Variants in ADAMTS2 observed in about 807,000 individuals in gnomAD.
The protein encoded by ADAMTS2 is A disintegrin and metalloproteinase with thrombospondin motifs 2.
Under a neutral mutation model 123.0 loss-of-function variants are expected in ADAMTS2, and 50 were observed. The ratio of observed to expected loss-of-function variants is 0.41; its 90% CI spans 0.32 to 0.51. ADAMTS2 has a LOEUF of 0.51. Ranked by LOEUF, ADAMTS2 falls within the 20% of genes least tolerant of loss-of-function variation. The pLI, the probability that ADAMTS2 is intolerant of heterozygous loss-of-function variation, is 0.35. For missense variants in ADAMTS2, 1,494 were observed against 1,705.2 expected, an observed-to-expected ratio of 0.88 and a Z score of 2.18; for synonymous variants, 678 against 695.4, an observed-to-expected ratio of 0.98 and a Z score of 0.39.
chr5:179,340,876 C>A (rs1470488208), intron 2 of ADAMTS2, among the ~76,000 whole-genome samples: 1 of 152,184 alleles, frequency 6.6e-6, no homozygotes, highest in South Asian at 2.1e-4. Flanking sequence ...GCACGCCTAC[C>A]ACGCTGCCCA....
chr5:179,168,463 C>G (rs1398764533), intron 5 of ADAMTS2, among the ~76,000 whole-genome samples: 1 of 152,182 alleles, frequency 6.6e-6, no homozygotes, highest in Non-Finnish European at 1.5e-5. Flanking sequence ...TCCTCACTGT[C>G]AAATGGGGAT....
Position 179,260,499 on chromosome 5 carries a change from G to A in ADAMTS2, c.688+12412C>T, listed in dbSNP as rs1766189253. On this transcript the variant is annotated intron_variant, in intron 3 of 21. Transcript: ENST00000251582. The surrounding 1 kb of genome is among the most constrained non-coding windows in gnomAD (Gnocchi z 4.2). ...GGCCTTGGTGCTTGGAAGGCCCTCT[G>A]TCCAACAAACAGATGGGGTCACAGG... is the stretch of plus-strand genomic sequence containing the variant. Among the ~76,000 whole-genome samples, 1 of 152,158 alleles carries A rather than the reference G, an allele frequency of 6.6e-6. No individual in the cohort carries two copies. Among genetic ancestry groups the A allele is most frequent in the South Asian group, 2.1e-4 (1 of 4,834 alleles).
At chr5:179,328,968 C>T (rs1052497361) in intron 2 of ADAMTS2, among the ~76,000 whole-genome samples, 15 of 152,086 alleles carry the variant, frequency 9.9e-5, no homozygotes, top group African/African-American at 3.4e-4. Flanking sequence ...GTGATACTTG[C>T]CCTATCAGAT....
At chr5:179,149,939 C>T (rs563199659) in intron 10 of ADAMTS2, among the ~76,000 whole-genome samples, 1 of 152,176 alleles carries the variant, frequency 6.6e-6, no homozygotes, top group Admixed American at 6.5e-5. Context: ...AGGATCCTAC[C>T]ACCAAAATGA....
intron 3 of ADAMTS2, among the ~76,000 whole-genome samples, chr5:179,269,346 C>T (rs1042082795): frequency 5.3e-5 from 8 of 152,182 alleles, no homozygotes; most frequent in Non-Finnish European, 1.5e-5. Flanking sequence ...ATACCCGAGA[C>T]TGGGCAACTT....
chr5:179,299,530 AACACAC>A (rs3986821), intron 2 of ADAMTS2, among the ~76,000 whole-genome samples: 5 of 120,438 alleles, frequency 4.2e-5, no homozygotes, highest in African/African-American at 9.5e-5. Flanking sequence ...CTCCAACTCA[AACACAC>A]ACACACACAC....
intron 10 of ADAMTS2, among the ~76,000 whole-genome samples, 158 bp from the exon 11 acceptor site, chr5:179,140,193 G>A (rs761297295): frequency 4.6e-5 from 7 of 152,188 alleles, no homozygotes; most frequent in Non-Finnish European, 8.8e-5. Context: ...AGAGCCCCCA[G>A]AAGACAGGCC....
At chr5:179,340,971 G>A (rs1757756194) in intron 2 of ADAMTS2, among the ~76,000 whole-genome samples, 1 of 152,176 alleles carries the variant, frequency 6.6e-6, no homozygotes, top group South Asian at 2.1e-4. Flanking sequence ...TGTGCAAAGG[G>A]ACATTTTGCT....
chr5:179,266,731 C>T (rs1049879547), intron 3 of ADAMTS2, among the ~76,000 whole-genome samples: 1 of 152,238 alleles, frequency 6.6e-6, no homozygotes. Flanking sequence ...AATTGGCACC[C>T]CCCAACAAAG....
intron 5 of ADAMTS2, among the ~76,000 whole-genome samples, chr5:179,160,354 G>A (rs775680945): frequency 1.3e-5 from 2 of 152,224 alleles, no homozygotes; most frequent in Non-Finnish European, 2.9e-5. Flanking sequence ...GGGAGGCTGA[G>A]GAAGGAGAAT....
intron 5 of ADAMTS2, among the ~76,000 whole-genome samples, chr5:179,176,531 C>T (rs1003329735): frequency 1.3e-5 from 2 of 152,182 alleles, no homozygotes; most frequent in African/African-American, 4.8e-5. Context: ...GAGAGTCTCT[C>T]CGCCTTCACC....
intron 4 of ADAMTS2, 42 bp downstream of exon 4, chr5:179,207,471 A>ACCCAGCCCCCC: frequency 1.9e-5 from 20 of 1,026,466 alleles, no homozygotes; most frequent in East Asian, 5.0e-5. Context: ...CCCCTGGTTG[A>ACCCAGCCCCCC]CCCTCCCCGC....
chr5:179,233,648 T>C lies in ADAMTS2; in HGVS notation c.689-25933A>G, dbSNP rs150511306. 2.1e-3 allele frequency among the ~76,000 whole-genome samples: 313 copies of C among 152,248 alleles called. 1 individual carries two copies. Among genetic ancestry groups the C allele is most frequent in the African/African-American group, 7.3e-3 (304 of 41,534 alleles). ...GTTGCGGTGAGAGGAGATTGTACCATTGCACTCCAGCCTGAGTGATAGAGT... is the reference window on the plus strand; with the variant it reads ...GTTGCGGTGAGAGGAGATTGTACCACTGCACTCCAGCCTGAGTGATAGAGT... On this transcript the variant is annotated intron_variant, in intron 3 of 21. Coordinates refer to ENST00000251582, the MANE Select transcript of ADAMTS2 (RefSeq NM_014244.5).
chr5:179,271,045 C>G (rs1414932407), intron 3 of ADAMTS2, among the ~76,000 whole-genome samples: 1 of 152,190 alleles, frequency 6.6e-6, no homozygotes, highest in Non-Finnish European at 1.5e-5. Context: ...GGCAGCTGGC[C>G]TCACCCAGCG....
chr5:179,147,769 C>G (rs1036646710), intron 10 of ADAMTS2, among the ~76,000 whole-genome samples: 1 of 152,132 alleles, frequency 6.6e-6, no homozygotes, highest in Non-Finnish European at 1.5e-5. Context: ...GCCAAAGCAG[C>G]AAAATGCCCA....
At chr5:179,240,280 G>T (rs1033835421) in intron 3 of ADAMTS2, among the ~76,000 whole-genome samples, 15 of 152,198 alleles carry the variant, frequency 9.9e-5, no homozygotes, top group African/African-American at 3.4e-4. Context: ...TTGTTCAGGG[G>T]TACCCGTGCC....
chr5:179,148,816 G>C (rs1417292747), intron 10 of ADAMTS2, among the ~76,000 whole-genome samples: 2 of 152,260 alleles, frequency 1.3e-5, no homozygotes, highest in African/African-American at 4.8e-5. Context: ...GACTGCAGAG[G>C]CCGCCACTCT....
In ADAMTS2 at chr5:179,130,174, G is replaced by C; in HGVS notation, c.2291-76C>G. 6.3e-7 allele frequency: 1 copy of C among 1,577,382 alleles called. No homozygotes were observed. The highest frequency in any genetic ancestry group is 1.7e-4 in the Middle Eastern group (1 of 5,992). On this transcript the variant is annotated intron_variant, in intron 15 of 21. Transcript: ENST00000251582. This position sits in a 1 kb window ranked among gnomAD's most constrained non-coding sequence, Gnocchi z 4.3. Reference sequence around the variant, plus strand: ...CCAGGCCCACTGGTTTGGGCTGGTCGGGGAGTGGGGGCAGCTAGCTGGACC... The same window carrying C: ...CCAGGCCCACTGGTTTGGGCTGGTCCGGGAGTGGGGGCAGCTAGCTGGACC...
Position 179,175,231 on chromosome 5 carries a change from G to A in ADAMTS2, c.975+5841C>T, listed in dbSNP as rs200321407. 6.7e-6 allele frequency among the ~76,000 whole-genome samples: 1 copy of A among 148,566 alleles called. No homozygotes were observed. Among genetic ancestry groups the A allele is most frequent in the South Asian group, 2.2e-4 (1 of 4,588 alleles). On this transcript the variant is annotated intron_variant, in intron 5 of 21. Coordinates refer to ENST00000251582, the MANE Select transcript of ADAMTS2 (RefSeq NM_014244.5). The surrounding 1 kb of genome is among the most constrained non-coding windows in gnomAD (Gnocchi z 4.1). ...GAAGTCTCTTCCTTGCTTGGGTTCCGCAGCTGTCTCAGCCATGCTTGACCG... is the reference window on the plus strand; with the variant it reads ...GAAGTCTCTTCCTTGCTTGGGTTCCACAGCTGTCTCAGCCATGCTTGACCG...
Sources: allele counts gnomAD v4.1 joint callset (sites outside exome capture counted in the v4.1 genomes callset), GRCh38; gene constraint gnomAD v4.1.1; non-coding constraint Gnocchi (gnomAD v3.1); transcripts MANE v1.5; gene names NCBI Gene and HGNC (gene_info 2026-07-23, HGNC 2026-07-21).